The following PSG4 variants were observed in gnomAD, a reference collection of about 807,000 sequenced individuals.
PSG4 encodes pregnancy-specific beta-1-glycoprotein 4.
A neutral mutation model predicts 44.3 loss-of-function variants in PSG4; 61 were observed. The ratio of observed to expected loss-of-function variants is 1.38; its 90% CI spans 1.12 to 1.70. The LOEUF is 1.70. PSG4 is among the 40% of genes most tolerant of loss of function. The pLI is 0.00. For missense variants in PSG4, 677 were observed against 511.7 expected, an observed-to-expected ratio of 1.32 and a Z score of -3.12; for synonymous variants, 248 against 191.3, an observed-to-expected ratio of 1.30 and a Z score of -2.45.
At chr19:43,196,113 G>A (rs1407571233) in intron 3 of PSG4, among the ~76,000 whole-genome samples, 1 of 151,756 alleles carries the variant, frequency 6.6e-6, no homozygotes, top group Admixed American at 6.6e-5. Context: ...CTGGTGGAAA[G>A]TGTGGGAATG....
Sources: gnomAD v4.1 joint callset for allele counts (sites outside exome capture counted in the v4.1 genomes callset) on GRCh38, gnomAD v4.1.1 for gene constraint, MANE v1.5 for transcripts, NCBI Gene and HGNC (gene_info 2026-07-23, HGNC 2026-07-21) for gene names.